The following KAZN variants were observed in gnomAD, a reference collection of about 807,000 sequenced individuals.
KAZN encodes kazrin.
In KAZN, 40 loss-of-function variants were observed where a neutral mutation model predicts 87.4. The observed-to-expected ratio is 0.46, with a 90% confidence interval of 0.36 to 0.60. The LOEUF is 0.60. Among genes scored for constraint, KAZN ranks in the 20% least tolerant of loss-of-function variants. The probability of loss-of-function intolerance (pLI) is 0.00; values close to 1 mark genes in which losing one functional copy is unlikely to be tolerated. For missense variants in KAZN, 898 were observed against 1,073.9 expected, an observed-to-expected ratio of 0.84 and a Z score of 2.29; for synonymous variants, 466 against 458.3, an observed-to-expected ratio of 1.02 and a Z score of -0.22.
chr1:15,067,221 C>A, intron 8 of KAZN: 1 of 985,474 alleles, frequency 1.0e-6, no homozygotes, highest in Non-Finnish European at 1.2e-6. Flanking sequence ...AGCACCTGAG[C>A]CCTCCACCCT....
chr1:14,392,525 G>A (rs919671427), intron 2 of KAZN, among the ~76,000 whole-genome samples: 1 of 152,088 alleles, frequency 6.6e-6, no homozygotes, highest in Non-Finnish European at 1.5e-5. Context: ...TAGCCTGGCA[G>A]GGTGTCTCTG....
In KAZN at chr1:14,899,973, C is replaced by T. The variant is rs112558610; in HGVS notation, c.227-60711C>T. On this transcript the variant is annotated intron_variant, in intron 1 of 14. Transcript: ENST00000376030. ...CTCCATCTTCTCAAGTAATGTCTGT[C>T]GTCCCGCATTCTTCTTCCCGTTCCG... Among the ~76,000 whole-genome samples the T allele has an allele frequency of 4.9e-4, 75 of 152,312 alleles. 2 individuals carry two copies. The highest frequency in any genetic ancestry group is 2.1e-4 in the South Asian group (1 of 4,822).
At chr1:14,475,086 T>C (rs1255385769) in intron 2 of KAZN, among the ~76,000 whole-genome samples, 2 of 151,610 alleles carry the variant, frequency 1.3e-5, no homozygotes, top group African/African-American at 4.8e-5. Flanking sequence ...TAGATGGATA[T>C]TGGATGCATA....
chr1:14,143,548 T>C (rs1458255061), intron 1 of KAZN, among the ~76,000 whole-genome samples: 1 of 152,226 alleles, frequency 6.6e-6, no homozygotes, highest in African/African-American at 2.4e-5. Flanking sequence ...TCCACCAGTG[T>C]AATTGTGTCA....
chr1:14,115,554 T>C (rs148825854), intron 1 of KAZN, among the ~76,000 whole-genome samples: 1,651 of 151,630 alleles, frequency 0.011, 19 homozygotes, highest in African/African-American at 0.036. Flanking sequence ...TCCTCAGCCA[T>C]GTGGAACTGT....
chr1:14,523,687 T>G (rs1315876453), intron 2 of KAZN, among the ~76,000 whole-genome samples: 1 of 152,146 alleles, frequency 6.6e-6, no homozygotes, highest in Admixed American at 6.5e-5. Context: ...ATCCCTTACT[T>G]CCTCTTCAGT....
intron 2 of KAZN, among the ~76,000 whole-genome samples, chr1:14,375,132 G>C (rs182095485): frequency 7.9e-4 from 120 of 152,258 alleles, no homozygotes; most frequent in Admixed American, 2.9e-3. Flanking sequence ...AAGGTCAGTT[G>C]TATTTTAGCG....
intron 1 of KAZN, among the ~76,000 whole-genome samples, chr1:13,977,340 T>C (rs955758216): frequency 6.6e-6 from 1 of 152,250 alleles, no homozygotes; most frequent in Non-Finnish European, 1.5e-5. Flanking sequence ...CAGTTTCTCA[T>C]ATGTAAAATG....
intron 2 of KAZN, among the ~76,000 whole-genome samples, chr1:14,968,366 A>G (rs752904210): frequency 9.2e-5 from 14 of 152,156 alleles, no homozygotes; most frequent in Non-Finnish European, 1.6e-4. Flanking sequence ...AATACAGATG[A>G]AACTTCGCTC....
upstream of KAZN, among the ~76,000 whole-genome samples, chr1:14,595,575 A>G (rs190544174): frequency 4.7e-5 from 7 of 150,490 alleles, no homozygotes; most frequent in Non-Finnish European, 8.9e-5. Flanking sequence ...GCAACTACTC[A>G]GGAGGCTGAG....
At chr1:14,792,144 G>A (rs56116403) in intron 1 of KAZN, among the ~76,000 whole-genome samples, 18,490 of 152,208 alleles carry the variant, frequency 0.12, 1,358 homozygotes, top group Admixed American at 0.24. Context: ...TAGACCATCC[G>A]AAAGGTGGCC....
intron 1 of KAZN, among the ~76,000 whole-genome samples, chr1:14,922,569 G>A (rs114282192): frequency 0.012 from 1,798 of 152,070 alleles, 30 homozygotes; most frequent in African/African-American, 0.031. Context: ...CGAGGCTGGC[G>A]CATCACCAGA....
intron 1 of KAZN, among the ~76,000 whole-genome samples, chr1:14,883,383 GAAAGAAA>G (rs1653660372): frequency 1.6e-5 from 2 of 124,848 alleles, no homozygotes; most frequent in Non-Finnish European, 3.3e-5. Context: ...AAGAAAGAAA[GAAAGAAA>G]GAAAGAAAGA....
intron 1 of KAZN, among the ~76,000 whole-genome samples, chr1:14,053,954 G>A (rs1156340111): frequency 6.6e-6 from 1 of 152,184 alleles, no homozygotes. Flanking sequence ...GCATAAGGAA[G>A]AGGAAATAGA....
chr1:14,207,956 A>T (rs1571018785), intron 2 of KAZN, among the ~76,000 whole-genome samples: 1 of 152,168 alleles, frequency 6.6e-6, no homozygotes, highest in East Asian at 1.9e-4. Flanking sequence ...TTGCAACAAG[A>T]CGTTCTATTC....
chr1:15,052,682 C>T (rs1674532045), intron 4 of KAZN, among the ~76,000 whole-genome samples: 1 of 152,114 alleles, frequency 6.6e-6, no homozygotes, highest in Non-Finnish European at 1.5e-5. Flanking sequence ...AGACTTCACA[C>T]GCGTCATCTG....
intron 1 of KAZN, among the ~76,000 whole-genome samples, chr1:14,132,254 C>T (rs895788743): frequency 3.9e-5 from 6 of 152,278 alleles, no homozygotes; most frequent in African/African-American, 1.4e-4. Flanking sequence ...TCCACCTCCC[C>T]ACTCTGGGCT....
intron 2 of KAZN, among the ~76,000 whole-genome samples, chr1:14,973,266 A>G (rs142815676): frequency 1.4e-4 from 22 of 152,332 alleles, no homozygotes; most frequent in African/African-American, 5.1e-4. Context: ...TTTGCCAGAC[A>G]TTATTCTGGG....
intron 1 of KAZN, among the ~76,000 whole-genome samples, chr1:14,170,361 C>A (rs1055617137): frequency 6.6e-6 from 1 of 151,420 alleles, no homozygotes; most frequent in African/African-American, 2.4e-5. Context: ...GACTCTTTCA[C>A]TGGGTCAAGG....
Sources: allele counts gnomAD v4.1 joint callset (sites outside exome capture counted in the v4.1 genomes callset), GRCh38; gene constraint gnomAD v4.1.1; transcripts MANE v1.5; gene names NCBI Gene and HGNC (gene_info 2026-07-23, HGNC 2026-07-21).